Variants in SH3RF3 observed in about 807,000 individuals in gnomAD.
The protein encoded by SH3RF3 is SH3 domain containing ring finger 3, also known as E3 ubiquitin-protein ligase SH3RF3.
SH3RF3 carries 29 observed loss-of-function variants against 66.3 expected under a neutral mutation model. That is an observed-to-expected ratio of 0.44 (90% confidence interval 0.33 to 0.60). SH3RF3 has a LOEUF of 0.60. Ranked by LOEUF, SH3RF3 falls within the 20% of genes least tolerant of loss-of-function variation. The probability of loss-of-function intolerance (pLI) is 0.04; values close to 1 mark genes in which losing one functional copy is unlikely to be tolerated. For missense variants in SH3RF3, 1,194 were observed against 1,190.9 expected, an observed-to-expected ratio of 1.00 and a Z score of -0.04; for synonymous variants, 583 against 532.0, an observed-to-expected ratio of 1.10 and a Z score of -1.32.
intron 8 of SH3RF3, among the ~76,000 whole-genome samples, chr2:109,473,686 T>C (rs939025404): frequency 2.0e-5 from 3 of 152,006 alleles, no homozygotes; most frequent in Non-Finnish European, 4.4e-5. Context: ...CAGCGTGCCA[T>C]GTCCTGCTGC....
At chr2:109,463,049 T>C (rs1370176015) in intron 8 of SH3RF3, among the ~76,000 whole-genome samples, 1 of 152,236 alleles carries the variant, frequency 6.6e-6, no homozygotes, top group African/African-American at 2.4e-5. Flanking sequence ...CCCTGGGGTC[T>C]TTCCTCAAGA....
intron 2 of SH3RF3, among the ~76,000 whole-genome samples, chr2:109,359,951 T>A (rs975684152): frequency 6.6e-6 from 1 of 151,934 alleles, no homozygotes; most frequent in Non-Finnish European, 1.5e-5. Context: ...CCATTGTTGA[T>A]GAGGCAGATG....
chr2:109,312,978 T>C (rs1681767414), intron 1 of SH3RF3, among the ~76,000 whole-genome samples: 1 of 152,212 alleles, frequency 6.6e-6, no homozygotes, highest in African/African-American at 2.4e-5. Flanking sequence ...ATTTCACTTT[T>C]ATCTACAGTA....
intron 3 of SH3RF3, among the ~76,000 whole-genome samples, chr2:109,376,883 T>A (rs1309740897): frequency 7.2e-5 from 11 of 152,174 alleles, no homozygotes. Context: ...TCCCCTAAGT[T>A]TCCATGGTGA....
In SH3RF3 at chr2:109,203,545, G is replaced by C. The variant is rs182711205; in HGVS notation, c.573+73432G>C. Among the ~76,000 whole-genome samples, 4 of 152,248 alleles carry C rather than the reference G, an allele frequency of 2.6e-5. No individual in the cohort carries two copies. The East Asian group carries it at 7.7e-4, about 29-fold the overall frequency. On this transcript the variant is annotated intron_variant, in intron 1 of 9. Coordinates refer to ENST00000309415, the MANE Select transcript of SH3RF3 (RefSeq NM_001099289.3). Reference sequence around the variant, plus strand: ...GCTCTGATCCCAGGGCATGCATTTGGAGCCCTCTGGGACTGCTCCATGTGG... The same window carrying C: ...GCTCTGATCCCAGGGCATGCATTTGCAGCCCTCTGGGACTGCTCCATGTGG...
At chr2:109,145,274 C>T (rs1677067088) in intron 1 of SH3RF3, among the ~76,000 whole-genome samples, 1 of 152,186 alleles carries the variant, frequency 6.6e-6, no homozygotes, top group Non-Finnish European at 1.5e-5. Flanking sequence ...CGGTGATTGT[C>T]TTAAAATGCT....
intron 2 of SH3RF3, among the ~76,000 whole-genome samples, chr2:109,351,875 A>T (rs1275386713): frequency 6.6e-6 from 1 of 152,206 alleles, no homozygotes; most frequent in Non-Finnish European, 1.5e-5. Context: ...TGACCTTCTT[A>T]TGCTGCTGAA....
At chr2:109,247,760 G>A (rs1679951018) in intron 1 of SH3RF3, among the ~76,000 whole-genome samples, 1 of 152,140 alleles carries the variant, frequency 6.6e-6, no homozygotes, top group Non-Finnish European at 1.5e-5. Flanking sequence ...AAAACTTAGA[G>A]GCTTAAAATA....
At chr2:109,276,477 G>A (rs1291456195) in intron 1 of SH3RF3, among the ~76,000 whole-genome samples, 1 of 152,178 alleles carries the variant, frequency 6.6e-6, no homozygotes, top group Non-Finnish European at 1.5e-5. Flanking sequence ...CTTTAGCCCA[G>A]GTGTCGCTGC....
At chr2:109,411,478 C>T (rs1676588100) in intron 4 of SH3RF3, among the ~76,000 whole-genome samples, 1 of 152,182 alleles carries the variant, frequency 6.6e-6, no homozygotes, top group Non-Finnish European at 1.5e-5. Flanking sequence ...GACCCCTGAC[C>T]CCCTCCCACC....
intron 1 of SH3RF3, among the ~76,000 whole-genome samples, chr2:109,192,317 A>T (rs979085269): frequency 6.6e-6 from 1 of 152,224 alleles, no homozygotes; most frequent in Non-Finnish European, 1.5e-5. Context: ...AGATGCTTGG[A>T]TACAAAAAGC....
intron 1 of SH3RF3, among the ~76,000 whole-genome samples, chr2:109,302,188 G>A (rs548745668): frequency 6.6e-6 from 1 of 152,200 alleles, no homozygotes; most frequent in South Asian, 2.1e-4. Flanking sequence ...TACTCCTACA[G>A]CCAGTGCTGG....
At chr2:109,428,463 G>C (rs1233956606) in intron 5 of SH3RF3, among the ~76,000 whole-genome samples, 1 of 152,208 alleles carries the variant, frequency 6.6e-6, no homozygotes, top group Admixed American at 6.5e-5. Flanking sequence ...AGCCGAGTCG[G>C]CCCAGCCGCC....
chr2:109,346,921 A>G (rs1172457645), intron 1 of SH3RF3, among the ~76,000 whole-genome samples: 1 of 152,150 alleles, frequency 6.6e-6, no homozygotes, highest in African/African-American at 2.4e-5. Flanking sequence ...GCTGTGTGTC[A>G]TGGTGGGGGG....
In SH3RF3 at chr2:109,157,209, G is replaced by A. The variant is rs540908271; in HGVS notation, c.573+27096G>A. Among the ~76,000 whole-genome samples, 10 of 152,248 alleles carry A rather than the reference G, an allele frequency of 6.6e-5. No homozygotes were observed. The South Asian group carries it at 1.7e-3, about 25-fold the overall frequency. On this transcript the variant is annotated intron_variant, in intron 1 of 9. Transcript: ENST00000309415. ...ATAGTATTGACTGGGGATATTCACC[G>A]TCTCTTCTACTCCTCAGCTCTGCTG... is the stretch of plus-strand genomic sequence containing the variant.
intron 1 of SH3RF3, among the ~76,000 whole-genome samples, chr2:109,225,680 C>G (rs138543955): frequency 7.2e-5 from 11 of 152,362 alleles, no homozygotes; most frequent in Non-Finnish European, 1.6e-4. Context: ...CTGTAAATAT[C>G]AGGAACAGAG....
chr2:109,262,986 C>T (rs1029992214), intron 1 of SH3RF3, among the ~76,000 whole-genome samples: 5 of 151,752 alleles, frequency 3.3e-5, no homozygotes, highest in Non-Finnish European at 7.4e-5. Flanking sequence ...GTGCCCGCCA[C>T]CACACCTGGC....
intron 1 of SH3RF3, among the ~76,000 whole-genome samples, chr2:109,213,883 T>C (rs1415900675): frequency 6.6e-6 from 1 of 152,214 alleles, no homozygotes; most frequent in Non-Finnish European, 1.5e-5. Flanking sequence ...CCCAAGCCCA[T>C]GAGGCAAAGC....
chr2:109,500,663 G>T (rs956654700), intron 9 of SH3RF3, among the ~76,000 whole-genome samples: 2 of 152,142 alleles, frequency 1.3e-5, no homozygotes. Flanking sequence ...TAAAAATAAG[G>T]ACAGGTTAGG....
Sources: allele counts gnomAD v4.1 joint callset (sites outside exome capture counted in the v4.1 genomes callset), GRCh38; gene constraint gnomAD v4.1.1; transcripts MANE v1.5; gene names NCBI Gene and HGNC (gene_info 2026-07-23, HGNC 2026-07-21).